The following VPS13B variants were observed in gnomAD, a reference collection of about 807,000 sequenced individuals.
The protein encoded by VPS13B is intermembrane lipid transfer protein VPS13B.
A neutral mutation model predicts 426.4 loss-of-function variants in VPS13B; 285 were observed. That is an observed-to-expected ratio of 0.67 (90% CI 0.61 to 0.74). VPS13B has a LOEUF of 0.74. Ranked by LOEUF, VPS13B falls within the 30% of genes least tolerant of loss-of-function variation. VPS13B has a pLI of 0.00. For synonymous variants in VPS13B, 1,676 were observed against 1,676.4 expected, an observed-to-expected ratio of 1.00 and a Z score of 0.01; for missense variants, 4,537 against 4,782.6, an observed-to-expected ratio of 0.95 and a Z score of 1.51.
At chr8:99,088,393 G>A (rs1403999412) in intron 3 of VPS13B, among the ~76,000 whole-genome samples, 3 of 152,108 alleles carry the variant, frequency 2.0e-5, no homozygotes, top group African/African-American at 7.2e-5. Flanking sequence ...ATAAAAGTTA[G>A]ATTATATTCT....
At chr8:99,777,587 C>T (rs1667633) in intron 41 of VPS13B, among the ~76,000 whole-genome samples, 9,932 of 152,140 alleles carry the variant, frequency 0.065, 468 homozygotes, top group African/African-American at 0.13. Flanking sequence ...ATATCAGATC[C>T]CTTTGAAAGA....
At chr8:99,028,431 G>A in intron 2 of VPS13B, among the ~76,000 whole-genome samples, 1 of 144,652 alleles carries the variant, frequency 6.9e-6, no homozygotes, top group Non-Finnish European at 1.5e-5. Context: ...GCGGCTGGCG[G>A]GGCAGAGGGG....
chr8:99,631,231 T>C (rs752848112), intron 33 of VPS13B, among the ~76,000 whole-genome samples: 1 of 152,154 alleles, frequency 6.6e-6, no homozygotes, highest in African/African-American at 2.4e-5. Flanking sequence ...TTGTGTCTCA[T>C]TCAATTGGTT....
chr8:99,319,489 G>A (rs964713887), intron 19 of VPS13B, among the ~76,000 whole-genome samples: 2 of 152,142 alleles, frequency 1.3e-5, no homozygotes, highest in Non-Finnish European at 2.9e-5. Flanking sequence ...GGAAATCTGC[G>A]AGAATATTTC....
Position 99,143,032 on chromosome 8 carries a change from G to A in VPS13B, c.1710G>A (p.Gln570=). The part of the protein sequence containing the change: ...SGKSEDLGTV[Q]EKSTKSLVIG... ...AAAGTGAAGATTTGGGAACAGTTCA[G>A]GAGAAGTCCACCAAAAGCCTTGTTA... Residue 570 remains glutamine (Q), a synonymous_variant, in exon 13 of 62, where the codon CAG becomes CAA. Transcript: ENST00000357162. 6.2e-7 allele frequency: 1 copy of A among 1,614,008 alleles called. No homozygotes were observed. The highest frequency in any genetic ancestry group is 8.5e-7 in the Non-Finnish European group (1 of 1,179,942).
intron 40 of VPS13B, among the ~76,000 whole-genome samples, chr8:99,767,588 T>C (rs1207263031): frequency 2.0e-5 from 3 of 149,884 alleles, no homozygotes; most frequent in Admixed American, 1.3e-4. Context: ...ATGGATTTTA[T>C]ACAGATAAAG....
intron 21 of VPS13B, among the ~76,000 whole-genome samples, chr8:99,427,611 A>C (rs956602658): frequency 1.4e-4 from 22 of 152,106 alleles, no homozygotes; most frequent in Admixed American, 3.3e-4. Flanking sequence ...GGAGAACTAC[A>C]AACCACTGCT....
Position 99,013,848 on chromosome 8 carries a change from C to T in VPS13B, c.60C>T (p.Asn20=). ...LMSYVNRYIK[N]LKPSDLQLSL... is the part of the protein sequence containing the mutation. ...GCTATGTGAATCGCTACATCAAGAA[C>T]TTAAAGCCGTCGGATCTACAGCTTT... is the stretch of plus-strand genomic sequence containing the variant. The change falls in exon 2 of 62, where the codon AAC becomes AAT. Residue 20 remains asparagine (N), a synonymous_variant. Transcript: ENST00000357162. 1 of 1,614,198 alleles carries T rather than the reference C, an allele frequency of 6.2e-7. No individual in the cohort carries two copies. Among genetic ancestry groups the T allele is most frequent in the South Asian group, 1.1e-5 (1 of 91,090 alleles).
intron 17 of VPS13B, among the ~76,000 whole-genome samples, chr8:99,206,132 C>G (rs1159932304): frequency 6.6e-6 from 1 of 152,138 alleles, no homozygotes; most frequent in Non-Finnish European, 1.5e-5. Flanking sequence ...TCACACATGG[C>G]TTTGGTTTTG....
At chr8:99,356,373 C>G (rs1444428971) in intron 19 of VPS13B, among the ~76,000 whole-genome samples, 1 of 152,130 alleles carries the variant, frequency 6.6e-6, no homozygotes, top group Non-Finnish European at 1.5e-5. Context: ...TTGGGCAAGG[C>G]GCAGGGGCTC....
At chr8:99,633,991 C>T (rs1051285537) in intron 33 of VPS13B, among the ~76,000 whole-genome samples, 1 of 151,922 alleles carries the variant, frequency 6.6e-6, no homozygotes, top group African/African-American at 2.4e-5. Flanking sequence ...AAGAACGGAA[C>T]AGAGAATGAG....
rs192161130 is a variant in VPS13B at position 99,357,089 on chromosome 8, A to T, written c.2825-27119A>T. 3.9e-5 allele frequency among the ~76,000 whole-genome samples: 6 copies of T among 152,344 alleles called. No individual in the cohort carries two copies. In the East Asian group the frequency reaches 1.2e-3, roughly 29 times the overall value. ...ACGTTAATTTCTTCTATGTGAAAAC[A>T]CTACATTCAATCTAATTGATCAACT... is the stretch of plus-strand genomic sequence containing the variant. On this transcript the variant is annotated intron_variant, in intron 19 of 61. Coordinates refer to ENST00000357162, the MANE Select transcript of VPS13B (RefSeq NM_152564.5).
intron 30 of VPS13B, among the ~76,000 whole-genome samples, chr8:99,528,531 A>G (rs1365428620): frequency 6.6e-6 from 1 of 152,094 alleles, no homozygotes; most frequent in East Asian, 1.9e-4. Context: ...TAGTTCTGAT[A>G]GATTCTGTAT....
intron 17 of VPS13B, among the ~76,000 whole-genome samples, chr8:99,244,753 G>A (rs541975386): frequency 1.8e-4 from 27 of 152,238 alleles, no homozygotes; most frequent in African/African-American, 5.8e-4. Context: ...GTCTGAATCA[G>A]CAAAGTTATT....
chr8:99,309,722 G>A (rs564401822), intron 19 of VPS13B, among the ~76,000 whole-genome samples: 2 of 152,308 alleles, frequency 1.3e-5, no homozygotes, highest in East Asian at 3.9e-4. Flanking sequence ...TATGGAGAAA[G>A]TCATCCGTAG....
intron 55 of VPS13B, among the ~76,000 whole-genome samples, chr8:99,852,700 A>G (rs1438366278): frequency 6.6e-6 from 1 of 152,144 alleles, no homozygotes; most frequent in Admixed American, 6.5e-5. Context: ...AGCCTTAAAG[A>G]GCAGGGAAGG....
chr8:99,630,991 A>C (rs1828821806), intron 33 of VPS13B, among the ~76,000 whole-genome samples: 1 of 152,182 alleles, frequency 6.6e-6, no homozygotes, highest in African/African-American at 2.4e-5. Context: ...GAAGAAAAAA[A>C]TGTAAAATGG....
chr8:99,509,639 T>C (rs1333866034), intron 28 of VPS13B, among the ~76,000 whole-genome samples: 2 of 152,100 alleles, frequency 1.3e-5, no homozygotes, highest in African/African-American at 2.4e-5. Flanking sequence ...TTCCTATTTC[T>C]CTTTTTTTTC....
chr8:99,536,141 G>T (rs910284710), intron 30 of VPS13B, among the ~76,000 whole-genome samples: 2 of 151,976 alleles, frequency 1.3e-5, no homozygotes, highest in Admixed American at 6.6e-5. Context: ...TAGAGACAGG[G>T]TTTCACCATA....
Sources: allele counts gnomAD v4.1 joint callset (sites outside exome capture counted in the v4.1 genomes callset), GRCh38; gene constraint gnomAD v4.1.1; transcripts MANE v1.5; gene names NCBI Gene and HGNC (gene_info 2026-07-23, HGNC 2026-07-21).